Variants in INPP5D observed in about 807,000 individuals in gnomAD.
The protein encoded by INPP5D is phosphatidylinositol 3,4,5-trisphosphate 5-phosphatase 1.
INPP5D carries 33 observed loss-of-function variants against 122.9 expected under a neutral mutation model. The observed-to-expected ratio is 0.27, with a 90% confidence interval of 0.20 to 0.36. The LOEUF (loss-of-function observed/expected upper bound fraction) is 0.36, where lower values mean the gene tolerates loss of function less well. Among genes scored for constraint, INPP5D ranks in the 10% least tolerant of loss-of-function variants. The probability of loss-of-function intolerance (pLI) is 1.00; values close to 1 mark genes in which losing one functional copy is unlikely to be tolerated. For synonymous variants in INPP5D, 584 were observed against 576.2 expected (o/e 1.01, Z -0.19); for missense variants, 1,053 against 1,412.7 (o/e 0.75, Z 4.08).
Position 233,204,389 on chromosome 2 carries a change from C to T in INPP5D, c.3239C>T (p.Ala1080Val), listed in dbSNP as rs764127502. Reference sequence around the variant, plus strand: ...GAGGGGCCCGGCAAGCAGGTGCCCGCGCCCCGGCTGCGCTCCTTCACGTGC... The same window carrying T: ...GAGGGGCCCGGCAAGCAGGTGCCCGTGCCCCGGCTGCGCTCCTTCACGTGC... Reference protein sequence around the residue: ...RGEGPGKQVPAPRLRSFTCSS... With the variant: ...RGEGPGKQVPVPRLRSFTCSS... The change falls in exon 26 of 27, where the codon GCG becomes GTG. Residue 1080 changes from alanine to valine, a missense_variant. Transcript: ENST00000445964. The T allele has an allele frequency of 5.6e-6, 9 of 1,610,368 alleles. No homozygotes were observed. The highest frequency in any genetic ancestry group is 3.3e-5 in the Admixed American group (2 of 59,864).
chr2:233,167,164 A>G (rs1241075708), intron 13 of INPP5D, among the ~76,000 whole-genome samples: 2 of 145,114 alleles, frequency 1.4e-5, no homozygotes, highest in African/African-American at 5.1e-5. Flanking sequence ...TGAGACCGGG[A>G]GTTTGAGACC....
Position 233,116,254 on chromosome 2 carries a change from T to TAGATAG in INPP5D, c.199-5852_199-5851insGATAGA, listed in dbSNP as rs10682867. Among the ~76,000 whole-genome samples the TAGATAG allele has an allele frequency of 5.0e-3, 478 of 96,000 alleles. 1 individual carries two copies. The highest frequency in any genetic ancestry group is 0.021 in the African/African-American group (315 of 15,178). The allele number at this position is 96,000 out of a possible 152,430, so 63.0% of individuals were successfully genotyped here. ...ATAGATAGATAGATAGATAGATAGATATAGATATAGATATAGATATAGATA... is the reference window on the plus strand; with the variant it reads ...ATAGATAGATAGATAGATAGATAGATAGATAGATAGATATAGATATAGATATAGATA... On this transcript the variant is annotated intron_variant, in intron 2 of 26. Coordinates refer to ENST00000445964, the MANE Select transcript of INPP5D (RefSeq NM_001017915.3).
intron 1 of INPP5D, among the ~76,000 whole-genome samples, chr2:233,075,520 T>C (rs115943460): frequency 0.033 from 4,883 of 147,468 alleles, 268 homozygotes; most frequent in African/African-American, 0.11. Flanking sequence ...TGTGTGTGTG[T>C]GCATGTGTAC....
At chr2:233,126,655 C>T (rs144324652) in intron 4 of INPP5D, among the ~76,000 whole-genome samples, 3,907 of 152,288 alleles carry the variant, frequency 0.026, 150 homozygotes, top group East Asian at 0.18. Flanking sequence ...CGCGGTGGCT[C>T]ATTCCTGTAA....
At chr2:233,124,477 T>C (rs558514020) in intron 3 of INPP5D, among the ~76,000 whole-genome samples, 33 of 152,286 alleles carry the variant, frequency 2.2e-4, no homozygotes, top group Middle Eastern at 3.4e-3. Context: ...GCAGGCCCTG[T>C]CCCTTTTGGC....
rs553295588 is a variant in INPP5D, at chr2:233,128,225, G to A, written c.525-2283G>A. Among the ~76,000 whole-genome samples, 110 of 152,268 alleles carry A rather than the reference G, an allele frequency of 7.2e-4. No individual in the cohort carries two copies. The highest frequency in any genetic ancestry group is 2.1e-3 in the African/African-American group (86 of 41,532). ...AACTAACGCCTGATGATCTGAGATG[G>A]AGCAGTTTCCTCCCACAACCATCCC... On this transcript the variant is annotated intron_variant, in intron 4 of 26. Coordinates refer to ENST00000445964, the MANE Select transcript of INPP5D (RefSeq NM_001017915.3). This position sits in a 1 kb window ranked among gnomAD's most constrained non-coding sequence, Gnocchi z 4.5.
At chr2:233,127,331 G>A (rs937282206) in intron 4 of INPP5D, among the ~76,000 whole-genome samples, 1 of 152,236 alleles carries the variant, frequency 6.6e-6, no homozygotes, top group Admixed American at 6.5e-5. Flanking sequence ...AGAGACCAAG[G>A]AAAGCGGCGA....
chr2:233,193,209 G>A (rs1203455807), intron 22 of INPP5D, among the ~76,000 whole-genome samples: 1 of 152,202 alleles, frequency 6.6e-6, no homozygotes, highest in African/African-American at 2.4e-5. Flanking sequence ...TATTTTTCTC[G>A]CTTCCTATCT....
At chr2:233,061,497 C>T (rs923738549) in intron 1 of INPP5D, among the ~76,000 whole-genome samples, 1 of 152,026 alleles carries the variant, frequency 6.6e-6, no homozygotes, top group Non-Finnish European at 1.5e-5. Context: ...AAATGTGTGT[C>T]CACCTGAACA....
At position 233,170,634 on chromosome 2, in the gene INPP5D, T is replaced by C; in HGVS notation, c.1900+30T>C. 6.2e-7 allele frequency: 1 copy of C among 1,609,326 alleles called. No homozygotes were observed. The highest frequency in any genetic ancestry group is 8.5e-7 in the Non-Finnish European group (1 of 1,177,750). On this transcript the variant is annotated intron_variant, in intron 16 of 26. Coordinates refer to ENST00000445964, the MANE Select transcript of INPP5D (RefSeq NM_001017915.3). This position sits in a 1 kb window ranked among gnomAD's most constrained non-coding sequence, Gnocchi z 4.5. ...GAGCAGCAACCCCGGCTGGGAGCGG[T>C]GGCTCACACCTGTAATCCCAGCACT...
chr2:233,170,281 T>C lies in INPP5D; in HGVS notation c.1791+117T>C. ...GAATCAAGTGGGCTGAGGCGGCTGC[T>C]CCCCTTGGGGGCTCAACGCTGTTTC... On this transcript the variant is annotated intron_variant, in intron 15 of 26. Coordinates refer to ENST00000445964, the MANE Select transcript of INPP5D (RefSeq NM_001017915.3). The surrounding 1 kb of genome is among the most constrained non-coding windows in gnomAD (Gnocchi z 4.5). The C allele has an allele frequency of 2.0e-6, 3 of 1,512,088 alleles. No homozygotes were observed. The highest frequency in any genetic ancestry group is 2.5e-5 in the East Asian group (1 of 40,726). 93.7% of individuals were successfully genotyped at this position (1,512,088 alleles called of 1,614,324 possible).
chr2:233,114,683 G>A (rs373686794), intron 2 of INPP5D, among the ~76,000 whole-genome samples: 4 of 152,084 alleles, frequency 2.6e-5, no homozygotes, highest in Non-Finnish European at 5.9e-5. Flanking sequence ...CTCCACAGGC[G>A]GGGAGTCTCC....
At position 233,060,355 on chromosome 2, in the gene INPP5D, G is replaced by A; in HGVS notation, c.-124G>A. 1 of 1,116,854 alleles carries A rather than the reference G, an allele frequency of 9.0e-7. No individual in the cohort carries two copies. The highest frequency in any genetic ancestry group is 1.3e-6 in the Non-Finnish European group (1 of 795,970). The allele number at this position is 1,116,854 out of a possible 1,614,324, so 69.2% of individuals were successfully genotyped here. A position where few individuals can be genotyped will look rare whatever the true frequency, so the allele number is the denominator to read the frequency against. ...AGGAAGTCAGTCAGTTAAGCTGGTG[G>A]CAGCAGCCGAGGCCACCAAGAGGCA... On this transcript the variant is annotated 5_prime_UTR_variant, in exon 1 of 27. Transcript: ENST00000445964.
In INPP5D at chr2:233,133,870, G is replaced by A. The variant is rs565944970; in HGVS notation, c.665+3222G>A. Reference sequence around the variant, plus strand: ...AGTCCATGAGGAAGGTGGCTAGCAGGGGCAGGGGTCTGTGTCTGTTTTGCT... The same window carrying A: ...AGTCCATGAGGAAGGTGGCTAGCAGAGGCAGGGGTCTGTGTCTGTTTTGCT... On this transcript the variant is annotated intron_variant, in intron 5 of 26. Transcript: ENST00000445964. 9 of 424,334 alleles carry A rather than the reference G, an allele frequency of 2.1e-5. No individual in the cohort carries two copies. The Middle Eastern group carries it at 1.7e-3, about 82-fold the overall frequency. 26.3% of individuals were successfully genotyped at this position (424,334 alleles called of 1,614,324 possible). A position where few individuals can be genotyped will look rare whatever the true frequency, so the allele number is the denominator to read the frequency against.
intron 1 of INPP5D, among the ~76,000 whole-genome samples, chr2:233,077,691 C>T (rs960744653): frequency 7.4e-5 from 10 of 136,036 alleles, no homozygotes; most frequent in African/African-American, 2.7e-4. Flanking sequence ...AAAAAACTCT[C>T]TCTACTAAAA....
intron 2 of INPP5D, among the ~76,000 whole-genome samples, chr2:233,093,057 C>A (rs540553831): frequency 6.6e-6 from 1 of 152,214 alleles, no homozygotes; most frequent in African/African-American, 2.4e-5. Flanking sequence ...AGAAATGGAA[C>A]AATAAGCAGA....
intron 1 of INPP5D, among the ~76,000 whole-genome samples, chr2:233,068,021 C>T (rs1429022735): frequency 6.6e-6 from 1 of 152,104 alleles, no homozygotes; most frequent in African/African-American, 2.4e-5. Context: ...CAAGGTGGCT[C>T]ATGCCTGTAA....
intron 19 of INPP5D, 42 bp from the exon 20 acceptor site, chr2:233,184,366 A>C (rs1694855847): frequency 5.5e-5 from 88 of 1,607,226 alleles, no homozygotes; most frequent in Non-Finnish European, 7.5e-5. Flanking sequence ...CTCCATCTCC[A>C]GGCACATTGT....
In INPP5D at chr2:233,146,229, C is replaced by T; in HGVS notation, c.821C>T (p.Ser274Phe). ...KLSQLTSLLSSIEDKVKALLH... is the reference protein window; with the variant it reads ...KLSQLTSLLSFIEDKVKALLH... ...AGCCAACTGACAAGCCTGTTGTCGT[C>T]CATTGAAGACAAGGTACGTGTGGGG... The change falls in exon 7 of 27, where the codon TCC becomes TTC. Residue 274 changes from serine to phenylalanine, a missense_variant. Ser to Phe is a radical substitution (Grantham distance 155, BLOSUM62 -2). This residue lies in a region of INPP5D where 196 missense variants were observed against 175.6 expected (regional missense o/e 1.12). Coordinates refer to ENST00000445964, the MANE Select transcript of INPP5D (RefSeq NM_001017915.3). The T allele has an allele frequency of 1.4e-6, 1 of 704,280 alleles. No individual in the cohort carries two copies. Among genetic ancestry groups the T allele is most frequent in the Non-Finnish European group, 2.6e-6 (1 of 385,006 alleles). 43.6% of individuals were successfully genotyped at this position (704,280 alleles called of 1,614,324 possible).
Sources: gnomAD v4.1 joint callset for allele counts (sites outside exome capture counted in the v4.1 genomes callset) on GRCh38, gnomAD v4.1.1 for gene constraint, gnomAD v4.1.1 regional missense constraint, Gnocchi (gnomAD v3.1) non-coding constraint, MANE v1.5 for transcripts, NCBI Gene and HGNC (gene_info 2026-07-23, HGNC 2026-07-21) for gene names.